The following MYO5C variants were observed in gnomAD, a reference collection of about 807,000 sequenced individuals.
MYO5C encodes the protein myosin VC.
A neutral mutation model predicts 235.7 loss-of-function variants in MYO5C; 194 were observed. That is an observed-to-expected ratio of 0.82 (90% confidence interval 0.73 to 0.93). The LOEUF (loss-of-function observed/expected upper bound fraction) is 0.93, where lower values mean the gene tolerates loss of function less well. Ranked by LOEUF, MYO5C falls within the 40% of genes least tolerant of loss-of-function variation. MYO5C has a pLI of 0.00. For missense variants in MYO5C, 2,038 were observed against 2,127.2 expected (o/e 0.96, Z 0.82); for synonymous variants, 707 against 754.8 (o/e 0.94, Z 1.04).
At chr15:52,275,842 T>A in intron 4 of MYO5C, 124 bp from the exon 5 acceptor site, 3 of 928,702 alleles carry the variant, frequency 3.2e-6, no homozygotes, top group African/African-American at 1.7e-5. Context: ...TATTTTTAAA[T>A]CTCAATCAAT....
intron 29 of MYO5C, among the ~76,000 whole-genome samples, chr15:52,221,751 C>T (rs1411284821): frequency 6.6e-6 from 1 of 152,176 alleles, no homozygotes; most frequent in East Asian, 1.9e-4. Flanking sequence ...TCCATCGCCT[C>T]CACCCCCAGT....
In MYO5C at chr15:52,275,578, G is replaced by A. The variant is rs2037027351; in HGVS notation, c.590C>T (p.Ser197Phe). The stretch of plus-strand genomic sequence containing the variant: ...GGTACGCACCTCGGTGATGGGATTG[G>A]ATGCCAGGACCTTGTCTTCCACGTG... ...NAHVEDKVLA[S>F]NPITEAVGNA... Residue 197 changes from serine (S) to phenylalanine (F), a missense_variant, in exon 5 of 41, where the codon TCC (serine) becomes TTC (phenylalanine). Ser to Phe is a radical substitution (Grantham distance 155). Coordinates refer to ENST00000261839, the MANE Select transcript of MYO5C (RefSeq NM_018728.4). 4 of 1,614,186 alleles carry A rather than the reference G, an allele frequency of 2.5e-6. No homozygotes were observed. The highest frequency in any genetic ancestry group is 3.4e-6 in the Non-Finnish European group (4 of 1,180,028).
intron 1 of MYO5C, among the ~76,000 whole-genome samples, chr15:52,288,671 C>T (rs139766053): frequency 5.9e-4 from 90 of 152,366 alleles, no homozygotes; most frequent in African/African-American, 2.1e-3. Flanking sequence ...CAAACAGATG[C>T]AGTCCGCAGT....
At position 52,281,518 on chromosome 15, in the gene MYO5C, G is replaced by A. The variant is rs7181682; in HGVS notation, c.138+1264C>T. On this transcript the variant is annotated intron_variant, in intron 2 of 40. Coordinates refer to ENST00000261839, the MANE Select transcript of MYO5C (RefSeq NM_018728.4). Reference sequence around the variant, plus strand: ...ACAGGAGACACTCAATAAAAACTGCGAGGAGCTCCTGTTGGAAAGGGAAGC... The same window carrying A: ...ACAGGAGACACTCAATAAAAACTGCAAGGAGCTCCTGTTGGAAAGGGAAGC... Among the ~76,000 whole-genome samples the A allele has an allele frequency of 3.9e-5, 6 of 152,202 alleles. No individual in the cohort carries two copies. In the East Asian group the frequency reaches 5.8e-4, roughly 15 times the overall value.
At position 52,198,841 on chromosome 15, in the gene MYO5C, A is replaced by G. The variant is rs1298012265; in HGVS notation, c.4821-2358T>C. Among the ~76,000 whole-genome samples, 3 of 150,840 alleles carry G rather than the reference A, an allele frequency of 2.0e-5. No homozygotes were observed. The East Asian group carries it at 5.9e-4, about 30-fold the overall frequency. The stretch of plus-strand genomic sequence containing the variant: ...GTGATCTGCCCACCTCAGCCTCCCA[A>G]AGTGCTGGGATTACAGGTGTGAGCC... On this transcript the variant is annotated intron_variant, in intron 38 of 40. Transcript: ENST00000261839.
chr15:52,274,729 G>GA (rs2037004215), intron 5 of MYO5C, among the ~76,000 whole-genome samples: 1 of 147,346 alleles, frequency 6.8e-6, no homozygotes, highest in South Asian at 2.1e-4. Flanking sequence ...TAGGTTAGAA[G>GA]AATCTTACAC....
chr15:52,276,398 A>G (rs2037051843), intron 4 of MYO5C, among the ~76,000 whole-genome samples: 1 of 152,224 alleles, frequency 6.6e-6, no homozygotes, highest in Non-Finnish European at 1.5e-5. Context: ...TCCAGCAAGG[A>G]ATTTGACAGC....
In MYO5C at chr15:52,245,975, C is replaced by A. The variant is rs367644040; in HGVS notation, c.2047G>T (p.Ala683Ser). The change falls in exon 17 of 41, where the codon GCA becomes TCA. Residue 683 changes from alanine to serine, a missense_variant. Ala to Ser is a moderately conservative substitution (Grantham distance 99, BLOSUM62 1). Transcript: ENST00000261839. ...CGVLETIRIS[A>S]QSYPSRWTYI... ...ACATACCTGGAAGGGTAGCTCTGTGCACTAATGCGAATCGTTTCTAAAACG... is the reference window on the plus strand; with the variant it reads ...ACATACCTGGAAGGGTAGCTCTGTGAACTAATGCGAATCGTTTCTAAAACG... The A allele has an allele frequency of 3.3e-5, 54 of 1,614,052 alleles. No homozygotes were observed. Among genetic ancestry groups the A allele is most frequent in the Non-Finnish European group, 4.3e-5 (51 of 1,180,006 alleles).
Position 52,272,586 on chromosome 15 carries a change from G to A in MYO5C, c.744C>T (p.Val248=). 1 of 1,610,870 alleles carries A rather than the reference G, an allele frequency of 6.2e-7. No individual in the cohort carries two copies. The highest frequency in any genetic ancestry group is 8.5e-7 in the Non-Finnish European group (1 of 1,179,222). The change falls in exon 6 of 41, where the codon GTC becomes GTT. Residue 248 remains valine, a synonymous_variant. Coordinates refer to ENST00000261839, the MANE Select transcript of MYO5C (RefSeq NM_018728.4). ...AAGGAAATTTAATACTTACTTGAAA[G>A]ACAACTCTGGATTTCTCCAGGAGGT... ...STYLLEKSRV[V]FQSENERNYH...
At chr15:52,265,019 A>T (rs1379198839) in intron 8 of MYO5C, among the ~76,000 whole-genome samples, 1 of 152,106 alleles carries the variant, frequency 6.6e-6, no homozygotes, top group Admixed American at 6.5e-5. Context: ...GCTGCCCCCC[A>T]GGTGCCCACT....
chr15:52,246,444 C>T (rs747338053), intron 16 of MYO5C, among the ~76,000 whole-genome samples: 19 of 152,214 alleles, frequency 1.2e-4, no homozygotes, highest in African/African-American at 4.6e-4. Context: ...CATACACACA[C>T]TCACCACCTC....
chr15:52,235,539 T>C, intron 23 of MYO5C, 131 bp downstream of exon 23: 1 of 614,200 alleles, frequency 1.6e-6, no homozygotes. Flanking sequence ...GGCTATTCCT[T>C]GTGAGCAAAA....
At chr15:52,255,525 T>C (rs1025510331) in intron 11 of MYO5C, among the ~76,000 whole-genome samples, 1 of 152,162 alleles carries the variant, frequency 6.6e-6, no homozygotes, top group Non-Finnish European at 1.5e-5. Flanking sequence ...CAAATATAAA[T>C]GTTAAGGAGG....
At position 52,218,543 on chromosome 15, in the gene MYO5C, T is replaced by C. The variant is rs553343096; in HGVS notation, c.3930A>G (p.Ala1310=). The change falls in exon 32 of 41, where the codon GCA becomes GCG. Residue 1310 remains alanine (A), a synonymous_variant. Transcript: ENST00000261839. ...CCCTGTTTTCCAAAGTGAGCCGGGATGCTTCCTGCCGGAAGTTACACTTGA... is the reference window on the plus strand; with the variant it reads ...CCCTGTTTTCCAAAGTGAGCCGGGACGCTTCCTGCCGGAAGTTACACTTGA... ...SEVKCNFRQE[A]SRLTLENRDL... The C allele has an allele frequency of 6.2e-7, 1 of 1,614,258 alleles. No homozygotes were observed. Among genetic ancestry groups the C allele is most frequent in the East Asian group, 2.2e-5 (1 of 44,894 alleles).
At chr15:52,262,198 T>C (rs1596206176) in intron 9 of MYO5C, among the ~76,000 whole-genome samples, 1 of 152,276 alleles carries the variant, frequency 6.6e-6, no homozygotes. Flanking sequence ...TTGTCCAAAT[T>C]TAACGTGTCC....
Position 52,223,609 on chromosome 15 carries a change from T to C in MYO5C, c.3562A>G (p.Arg1188Gly), listed in dbSNP as rs1351334317. The change falls in exon 29 of 41, where the codon AGA becomes GGA. Residue 1188 changes from arginine to glycine, a missense_variant. Physicochemically the swap from Arg to Gly is moderately radical, Grantham distance 125. Coordinates refer to ENST00000261839, the MANE Select transcript of MYO5C (RefSeq NM_018728.4). ...CTTTCATTGATGTCATTTTCTTCTCTGAATAACTTCTGCAGGTGGTTGATT... is the reference window on the plus strand; with the variant it reads ...CTTTCATTGATGTCATTTTCTTCTCCGAATAACTTCTGCAGGTGGTTGATT... ...QEINHLQKLF[R>G]EENDINESIR... The C allele has an allele frequency of 4.3e-6, 7 of 1,614,238 alleles. No individual in the cohort carries two copies. In the South Asian group the frequency reaches 7.7e-5, roughly 18 times the overall value.
At chr15:52,269,709 T>TTA in intron 8 of MYO5C, 44 bp downstream of exon 8, 1 of 1,341,976 alleles carries the variant, frequency 7.5e-7, no homozygotes, top group Non-Finnish European at 1.0e-6. Context: ...TTTTTTTTTT[T>TTA]AAGAGAAAAT....
At chr15:52,219,459 C>A (rs908488695) in intron 31 of MYO5C, among the ~76,000 whole-genome samples, 1 of 152,162 alleles carries the variant, frequency 6.6e-6, no homozygotes, top group East Asian at 1.9e-4. Context: ...CAAAAGTGTA[C>A]GCATACAGTG....
intron 38 of MYO5C, among the ~76,000 whole-genome samples, chr15:52,199,809 A>C (rs1036653967): frequency 6.6e-6 from 1 of 152,212 alleles, no homozygotes; most frequent in Non-Finnish European, 1.5e-5. Context: ...CTGTGGTTCA[A>C]GGTTCTCTCT....
Sources: allele counts gnomAD v4.1 joint callset (sites outside exome capture counted in the v4.1 genomes callset), GRCh38; gene constraint gnomAD v4.1.1; transcripts MANE v1.5; gene names NCBI Gene and HGNC (gene_info 2026-07-23, HGNC 2026-07-21).